The following CRBN variants were observed in gnomAD, a reference collection of about 807,000 sequenced individuals.
CRBN encodes the protein cereblon, also known as protein cereblon.
A neutral mutation model predicts 62.2 loss-of-function variants in CRBN; 53 were observed. That is an observed-to-expected ratio of 0.85 (90% CI 0.68 to 1.07). CRBN has a LOEUF of 1.07. CRBN is among the 50% of genes least tolerant of loss of function. The pLI, the probability that CRBN is intolerant of heterozygous loss-of-function variation, is 0.00. For synonymous variants in CRBN, 208 were observed against 176.1 expected, an observed-to-expected ratio of 1.18 and a Z score of -1.43; for missense variants, 616 against 531.1, an observed-to-expected ratio of 1.16 and a Z score of -1.57.
At chr3:3,164,701 G>C (rs1160186853) in intron 5 of CRBN, among the ~76,000 whole-genome samples, 2 of 152,196 alleles carry the variant, frequency 1.3e-5, no homozygotes, top group Non-Finnish European at 2.9e-5. Flanking sequence ...ACTGCTCATT[G>C]ACAATGTACA....
chr3:3,178,957 G>T (rs1264949510), intron 1 of CRBN, among the ~76,000 whole-genome samples: 1 of 151,220 alleles, frequency 6.6e-6, no homozygotes, highest in Non-Finnish European at 1.5e-5. Flanking sequence ...ACAGGAAAAA[G>T]AAAAACTAAG....
In CRBN at chr3:3,150,998, C is replaced by G; in HGVS notation, c.1196G>C (p.Gly399Ala). ...TTTTTTGGTGGCCGTAAACTTCCAT[C>G]CAATATGGCTTGCACAGATCTTACA... ...AQCKICASHI[G>A]WKFTATKKDM... Residue 399 changes from glycine to alanine, a missense_variant, in exon 11 of 11, where the codon GGA (glycine) becomes GCA (alanine). Coordinates refer to ENST00000231948, the MANE Select transcript of CRBN (RefSeq NM_016302.4). 2 of 1,613,974 alleles carry G rather than the reference C, an allele frequency of 1.2e-6. No individual in the cohort carries two copies. Among genetic ancestry groups the G allele is most frequent in the Non-Finnish European group, 1.7e-6 (2 of 1,179,968 alleles).
In CRBN at chr3:3,150,721, G is replaced by C. The variant is rs1331738837; in HGVS notation, c.*144C>G. ...AAAGTTTCAAATACAGTTTCACTTAGAAACTGCAACCCTCCAAGTAATGTT... is the reference window on the plus strand; with the variant it reads ...AAAGTTTCAAATACAGTTTCACTTACAAACTGCAACCCTCCAAGTAATGTT... On this transcript the variant is annotated 3_prime_UTR_variant, in exon 11 of 11. Transcript: ENST00000231948. 1 of 815,234 alleles carries C rather than the reference G, an allele frequency of 1.2e-6. No homozygotes were observed. The highest frequency in any genetic ancestry group is 1.9e-6 in the Non-Finnish European group (1 of 526,614). 50.5% of individuals were successfully genotyped at this position (815,234 alleles called of 1,614,324 possible).
At chr3:3,153,623 CA>C in intron 8 of CRBN, 135 bp from the exon 9 acceptor site, 1 of 689,764 alleles carries the variant, frequency 1.4e-6, no homozygotes, top group Non-Finnish European at 2.7e-6. Context: ...TCCAAGCATT[CA>C]AAAACACTTT....
At chr3:3,159,553 T>C (rs1707051598) in intron 5 of CRBN, among the ~76,000 whole-genome samples, 1 of 152,212 alleles carries the variant, frequency 6.6e-6, no homozygotes, top group African/African-American at 2.4e-5. Context: ...ACTAGCATAT[T>C]AAGAGCAATG....
At chr3:3,154,868 G>A (rs779200020) in intron 6 of CRBN, 37 bp from the exon 7 acceptor site, 2 of 1,182,936 alleles carry the variant, frequency 1.7e-6, no homozygotes, top group Non-Finnish European at 2.5e-6. Flanking sequence ...TCAAGTTCAT[G>A]GGCTTATTAA....
In CRBN at chr3:3,153,585, T is replaced by C. The variant is rs865869655; in HGVS notation, c.952-97A>G. Reference sequence around the variant, plus strand: ...ATCAAGAAACTTACTTATAAAGATATTGCTCTCTCTGAATATCACATTTTC... The same window carrying C: ...ATCAAGAAACTTACTTATAAAGATACTGCTCTCTCTGAATATCACATTTTC... On this transcript the variant is annotated intron_variant, in intron 8 of 10. Transcript: ENST00000231948. 7.1e-5 allele frequency: 55 copies of C among 778,688 alleles called. No individual in the cohort carries two copies. The South Asian group carries it at 7.1e-4, about 10-fold the overall frequency. The allele number at this position is 778,688 out of a possible 1,614,324, so 48.2% of individuals were successfully genotyped here. A position where few individuals can be genotyped will look rare whatever the true frequency, so the allele number is the denominator to read the frequency against.
intron 4 of CRBN, among the ~76,000 whole-genome samples, chr3:3,170,485 G>A (rs1265675203): frequency 2.0e-5 from 3 of 152,200 alleles, no homozygotes; most frequent in Non-Finnish European, 4.4e-5. Flanking sequence ...CAGTTTGGAA[G>A]TCATGGGACC....
chr3:3,153,774 G>A, intron 8 of CRBN, 186 bp downstream of exon 8: 1 of 631,336 alleles, frequency 1.6e-6, no homozygotes, highest in Non-Finnish European at 2.9e-6. Context: ...TTTTCACTAA[G>A]TTGATAAATG....
intron 4 of CRBN, 109 bp from the exon 5 acceptor site, chr3:3,167,902 T>C (rs897730332): frequency 4.9e-6 from 5 of 1,027,256 alleles, no homozygotes; most frequent in Admixed American, 2.0e-5. Flanking sequence ...CCAAGTTTTA[T>C]CTTTTAAACA....
At chr3:3,178,613 G>A (rs558173864) in intron 1 of CRBN, among the ~76,000 whole-genome samples, 2 of 152,196 alleles carry the variant, frequency 1.3e-5, no homozygotes, top group South Asian at 4.1e-4. Flanking sequence ...AACAACCTCT[G>A]CCTCTGAAGA....
chr3:3,167,939 A>G, intron 4 of CRBN, 146 bp from the exon 5 acceptor site: 1 of 726,556 alleles, frequency 1.4e-6, no homozygotes, highest in Non-Finnish European at 2.3e-6. Flanking sequence ...ATGTTAAGAT[A>G]CAGAAACTTT....
intron 5 of CRBN, among the ~76,000 whole-genome samples, chr3:3,158,317 C>G (rs560915193): frequency 6.6e-6 from 1 of 152,312 alleles, no homozygotes; most frequent in Non-Finnish European, 1.5e-5. Flanking sequence ...TCACCACTCA[C>G]CACCGGCTGT....
intron 3 of CRBN, among the ~76,000 whole-genome samples, chr3:3,173,715 C>T (rs747550667): frequency 1.3e-5 from 2 of 152,066 alleles, no homozygotes; most frequent in Non-Finnish European, 2.9e-5. Flanking sequence ...GAAAAGTAAT[C>T]CTTTACGTTA....
At chr3:3,171,381 G>A (rs1707606148) in intron 4 of CRBN, among the ~76,000 whole-genome samples, 1 of 152,070 alleles carries the variant, frequency 6.6e-6, no homozygotes, top group Admixed American at 6.5e-5. Context: ...TTATCATAAT[G>A]CAGACCACCC....
intron 2 of CRBN, among the ~76,000 whole-genome samples, chr3:3,174,785 C>A (rs1167958473): frequency 6.6e-6 from 1 of 152,148 alleles, no homozygotes; most frequent in Non-Finnish European, 1.5e-5. Flanking sequence ...ATCACAAACA[C>A]AGAAATTCAA....
At chr3:3,179,519 A>G in intron 1 of CRBN, 102 bp downstream of exon 1, 1 of 1,185,578 alleles carries the variant, frequency 8.4e-7, no homozygotes, top group Non-Finnish European at 1.2e-6. Flanking sequence ...CTGGCTCGCC[A>G]GGCTTGGCGC....
rs978480957 is a variant in CRBN at position 3,162,223 on chromosome 3, T to G, written c.687+5411A>C. Among the ~76,000 whole-genome samples the G allele has an allele frequency of 2.0e-5, 3 of 152,218 alleles. No individual in the cohort carries two copies. The East Asian group carries it at 5.8e-4, about 29-fold the overall frequency. ...TCTTTTCTGATTAACATAGTAAGCC[T>G]TGATATATGAATAAGCAGATGGTCT... On this transcript the variant is annotated intron_variant, in intron 5 of 10. Coordinates refer to ENST00000231948, the MANE Select transcript of CRBN (RefSeq NM_016302.4).
At chr3:3,173,393 CAAG>C (rs1230552303) in intron 3 of CRBN, among the ~76,000 whole-genome samples, 1 of 152,030 alleles carries the variant, frequency 6.6e-6, no homozygotes, top group African/African-American at 2.4e-5. Flanking sequence ...GGGGGATATA[CAAG>C]AAGGACTCAG....
Sources: allele counts gnomAD v4.1 joint callset (sites outside exome capture counted in the v4.1 genomes callset), GRCh38; gene constraint gnomAD v4.1.1; transcripts MANE v1.5; gene names NCBI Gene and HGNC (gene_info 2026-07-23, HGNC 2026-07-21).